The following CFAP47 variants were observed in gnomAD, a reference collection of about 807,000 sequenced individuals.
CFAP47 encodes cilia and flagella associated protein 47, also known as cilia- and flagella-associated protein 47.
A neutral mutation model predicts 148.1 loss-of-function variants in CFAP47; 29 were observed. The ratio of observed to expected loss-of-function variants is 0.20; its 90% CI spans 0.15 to 0.27. The LOEUF (loss-of-function observed/expected upper bound fraction) is 0.27, where lower values mean the gene tolerates loss of function less well. CFAP47 is among the 10% of genes least tolerant of loss of function. CFAP47 has a pLI of 1.00. For synonymous variants in CFAP47, 664 were observed against 577.3 expected, an observed-to-expected ratio of 1.15 and a Z score of -2.15; for missense variants, 1,872 against 1,697.5, an observed-to-expected ratio of 1.10 and a Z score of -1.81.
At chrX:36,025,393 G>A (rs1040424292) in intron 22 of CFAP47, among the ~76,000 whole-genome samples, 7 of 110,523 alleles carry the variant, frequency 6.3e-5, no homozygotes, top group Non-Finnish European at 1.1e-4. Context: ...TAGCACTTTG[G>A]GAGGCTAAGG....
At chrX:36,257,888 CAT>C (rs1421146607) in intron 49 of CFAP47, among the ~76,000 whole-genome samples, 7 of 111,885 alleles carry the variant, frequency 6.3e-5, no homozygotes, top group Non-Finnish European at 1.1e-4. Context: ...GGTTTCCAGT[CAT>C]ATTAGTAGTC....
At chrX:36,343,657 A>G (rs181047956) in intron 57 of CFAP47, among the ~76,000 whole-genome samples, 1 of 112,219 alleles carries the variant, frequency 8.9e-6, no homozygotes. Context: ...CACTATTTAC[A>G]GTAGCAAAAA....
intron 54 of CFAP47, 67 bp from the exon 55 acceptor site, chrX:36,306,705 A>G (rs1602101527): frequency 1.8e-5 from 11 of 610,363 alleles, no homozygotes; most frequent in Middle Eastern, 3.2e-4. Context: ...GCTAGTACAC[A>G]AAGATACCAA....
intron 49 of CFAP47, among the ~76,000 whole-genome samples, chrX:36,261,668 C>G (rs782271885): frequency 9.0e-6 from 1 of 110,693 alleles, no homozygotes; most frequent in Non-Finnish European, 1.9e-5. Context: ...AACAGCATCC[C>G]AAGGCAGAAG....
chrX:36,027,110 G>GTGATTATATATATATGATTATATATATA (rs200449147), intron 22 of CFAP47, among the ~76,000 whole-genome samples: 1 of 100,233 alleles, frequency 1.0e-5, no homozygotes, highest in Admixed American at 1.1e-4. Context: ...TTATATATAT[G>GTGATTATATATATATGATTATATATATA]TGATTATATA....
Position 35,951,136 on chromosome X carries a change from T to C in CFAP47, c.662T>C (p.Ile221Thr). Residue 221 changes from isoleucine to threonine, a missense_variant, in exon 5 of 64, where the codon ATT (isoleucine) becomes ACT (threonine). Physicochemically the swap from Ile to Thr is moderately conservative, Grantham distance 89 (BLOSUM62 -1). Coordinates refer to ENST00000378653, the MANE Select transcript of CFAP47 (RefSeq NM_001304548.2). ...CATATCTTATTATCCTGTAGAGTGATTTTGCAAGGTCAACCTGAGATGCTC... is the reference window on the plus strand; with the variant it reads ...CATATCTTATTATCCTGTAGAGTGACTTTGCAAGGTCAACCTGAGATGCTC... The part of the protein sequence containing the change: ...PRIVDEEAIV[I>T]LQGQPEMLLS... The C allele has an allele frequency of 8.3e-7, 1 of 1,201,119 alleles. No individual in the cohort carries two copies. Among genetic ancestry groups the C allele is most frequent in the Non-Finnish European group, 1.1e-6 (1 of 886,000 alleles).
At chrX:36,145,111 A>T in intron 35 of CFAP47, 108 bp from the exon 36 acceptor site, 1 of 234,915 alleles carries the variant, frequency 4.3e-6, no homozygotes, top group Non-Finnish European at 7.3e-6. Flanking sequence ...GTGTGTGTGT[A>T]TGTGTGTGTA....
At chrX:36,288,642 G>C (rs1416894434) in intron 51 of CFAP47, among the ~76,000 whole-genome samples, 2 of 111,929 alleles carry the variant, frequency 1.8e-5, no homozygotes, top group South Asian at 3.7e-4. Flanking sequence ...TGTTAATTAA[G>C]AGATCCAGAA....
chrX:36,310,731 T>C, intron 55 of CFAP47, 102 bp from the exon 56 acceptor site: 3 of 420,431 alleles, frequency 7.1e-6, no homozygotes, highest in Middle Eastern at 4.2e-4. Context: ...ACAAAACTTT[T>C]CTTATCTGTC....
At position 35,926,008 on chromosome X, in the gene CFAP47, C is replaced by T; in HGVS notation, c.250-9C>T. On this transcript the variant is annotated splice_polypyrimidine_tract_variant and intron_variant, in intron 1 of 63. Coordinates refer to ENST00000378653, the MANE Select transcript of CFAP47 (RefSeq NM_001304548.2). ...AATGTATAATTTGACTCTCTTTCTC[C>T]CACTGAAGTTCAAACTGATGTTGAC... 8.4e-7 allele frequency: 1 copy of T among 1,185,703 alleles called. No homozygotes were observed. The highest frequency in any genetic ancestry group is 1.1e-6 in the Non-Finnish European group (1 of 879,925).
intron 44 of CFAP47, among the ~76,000 whole-genome samples, chrX:36,202,255 A>G (rs782359207): frequency 9.0e-6 from 1 of 111,555 alleles, no homozygotes; most frequent in South Asian, 3.8e-4. Flanking sequence ...CTCACAGAGC[A>G]GCCAAAGCGA....
chrX:36,332,570 A>G (rs971538854), intron 57 of CFAP47, among the ~76,000 whole-genome samples: 3 of 111,951 alleles, frequency 2.7e-5, no homozygotes, highest in African/African-American at 9.7e-5. Flanking sequence ...GCACAACCAC[A>G]CATTACTTTT....
At chrX:36,298,300 A>C (rs1320718902) in intron 51 of CFAP47, among the ~76,000 whole-genome samples, 2 of 104,030 alleles carry the variant, frequency 1.9e-5, no homozygotes, top group African/African-American at 7.0e-5. Context: ...TCAGTAAACT[A>C]TCGCAAGAAC....
At chrX:36,230,727 G>A (rs1245398017) in intron 46 of CFAP47, among the ~76,000 whole-genome samples, 3 of 108,022 alleles carry the variant, frequency 2.8e-5, no homozygotes, top group Non-Finnish European at 5.7e-5. Flanking sequence ...TTTCTTCTAG[G>A]GTTTTTATGG....
In CFAP47 at chrX:36,200,736, G is replaced by T. The variant is rs186693268; in HGVS notation, c.6436+243G>T. ...GTCTTAAGCTAAATATTGGAATTTG[G>T]CATACAAAATATTTACTTGGCAACA... On this transcript the variant is annotated intron_variant, in intron 43 of 63. Coordinates refer to ENST00000378653, the MANE Select transcript of CFAP47 (RefSeq NM_001304548.2). 2.0e-3 allele frequency among the ~76,000 whole-genome samples: 221 copies of T among 111,200 alleles called. 1 individual carries two copies. Among genetic ancestry groups the T allele is most frequent in the African/African-American group, 6.8e-3 (209 of 30,641 alleles).
At chrX:35,989,893 C>T (rs182663201) in intron 16 of CFAP47, 2 of 123,376 alleles carry the variant, frequency 1.6e-5, no homozygotes, top group African/African-American at 6.4e-5. Flanking sequence ...TGATGATACT[C>T]TTACATATTT....
intron 21 of CFAP47, among the ~76,000 whole-genome samples, chrX:36,005,917 TACAC>T (rs1171133948): frequency 1.8e-5 from 2 of 109,365 alleles, no homozygotes; most frequent in African/African-American, 3.3e-5. Flanking sequence ...CACACACACA[TACAC>T]ACACACACAC....
intron 48 of CFAP47, among the ~76,000 whole-genome samples, chrX:36,249,230 A>G (rs1555997715): frequency 1.6e-4 from 18 of 110,706 alleles, no homozygotes; most frequent in Non-Finnish European, 1.9e-5. Flanking sequence ...AGAGAAAACC[A>G]ATAAAAACAA....
At chrX:36,328,891 A>G (rs1478052334) in intron 57 of CFAP47, among the ~76,000 whole-genome samples, 1 of 111,016 alleles carries the variant, frequency 9.0e-6, no homozygotes, top group Non-Finnish European at 1.9e-5. Context: ...CTTAAAACCT[A>G]CCTAAATTTG....
Sources: allele counts gnomAD v4.1 joint callset (sites outside exome capture counted in the v4.1 genomes callset), GRCh38; gene constraint gnomAD v4.1.1; transcripts MANE v1.5; gene names NCBI Gene and HGNC (gene_info 2026-07-23, HGNC 2026-07-21).